The following ZNF438 variants were observed in gnomAD, a reference collection of about 807,000 sequenced individuals.
ZNF438 encodes zinc finger protein 438.
A neutral mutation model predicts 38.0 loss-of-function variants in ZNF438; 25 were observed. That is an observed-to-expected ratio of 0.66 (90% CI 0.48 to 0.92). ZNF438 has a LOEUF of 0.92. ZNF438 is among the 40% of genes least tolerant of loss of function. The pLI is 0.00. For synonymous variants in ZNF438, 372 were observed against 364.1 expected (o/e 1.02, Z -0.25); for missense variants, 1,007 against 999.6 (o/e 1.01, Z -0.10).
intron 1 of ZNF438, among the ~76,000 whole-genome samples, chr10:30,959,826 T>C (rs1029322431): frequency 1.4e-5 from 2 of 147,004 alleles, no homozygotes; most frequent in Non-Finnish European, 3.1e-5. Context: ...ATATGGTAAG[T>C]TGGTTTAACT....
chr10:30,875,104 C>T (rs2038204452), intron 4 of ZNF438, among the ~76,000 whole-genome samples: 2 of 151,990 alleles, frequency 1.3e-5, no homozygotes, highest in Admixed American at 6.6e-5. Context: ...ATCTTTAGTC[C>T]CAGAAAAGAC....
At chr10:30,865,779 G>C (rs2036319871) in intron 4 of ZNF438, among the ~76,000 whole-genome samples, 2 of 152,188 alleles carry the variant, frequency 1.3e-5, no homozygotes, top group Admixed American at 1.3e-4. Context: ...TCTGGCTTTG[G>C]TGTTTCTATT....
chr10:30,959,697 G>C (rs530989666), intron 1 of ZNF438, among the ~76,000 whole-genome samples: 1 of 146,034 alleles, frequency 6.8e-6, no homozygotes, highest in Non-Finnish European at 1.6e-5. Flanking sequence ...GTAATGAGCC[G>C]AGATCGCACC....
intron 4 of ZNF438, among the ~76,000 whole-genome samples, chr10:30,852,496 C>A (rs1191457237): frequency 6.6e-6 from 1 of 152,184 alleles, no homozygotes; most frequent in East Asian, 1.9e-4. Flanking sequence ...GCATGAGCCA[C>A]CGCGCCCGGC....
chr10:30,882,096 C>G (rs1010236276), intron 3 of ZNF438, among the ~76,000 whole-genome samples: 3 of 151,464 alleles, frequency 2.0e-5, no homozygotes, highest in African/African-American at 7.3e-5. Flanking sequence ...TTCTGCTCTT[C>G]AAAAGATATC....
intron 4 of ZNF438, among the ~76,000 whole-genome samples, chr10:30,863,106 A>C (rs888891365): frequency 5.5e-4 from 83 of 152,218 alleles, no homozygotes; most frequent in African/African-American, 1.9e-3. Flanking sequence ...ATGATTTGTA[A>C]GTACAAATGC....
At chr10:30,851,291 G>A (rs372056899) in intron 4 of ZNF438, among the ~76,000 whole-genome samples, 2 of 152,202 alleles carry the variant, frequency 1.3e-5, no homozygotes, top group African/African-American at 4.8e-5. Context: ...ACTACCTTAA[G>A]AGAACAATTA....
chr10:31,003,480 C>A (rs558640337), intron 1 of ZNF438, among the ~76,000 whole-genome samples: 1 of 152,300 alleles, frequency 6.6e-6, no homozygotes, highest in Non-Finnish European at 1.5e-5. Context: ...AACCCAGGAA[C>A]TTGGCTACTG....
At chr10:30,868,216 C>T (rs2036799169) in intron 4 of ZNF438, among the ~76,000 whole-genome samples, 4 of 151,664 alleles carry the variant, frequency 2.6e-5, no homozygotes, top group Admixed American at 2.6e-4. Flanking sequence ...ATTACAGGTG[C>T]CCGCCACCCC....
chr10:30,858,097 A>T (rs889598783), intron 4 of ZNF438, among the ~76,000 whole-genome samples: 1 of 152,214 alleles, frequency 6.6e-6, no homozygotes, highest in Non-Finnish European at 1.5e-5. Context: ...TGCAGAAGGG[A>T]GCAGGCAGAG....
chr10:30,900,857 A>C (rs1168537024), intron 3 of ZNF438, among the ~76,000 whole-genome samples: 2 of 152,378 alleles, frequency 1.3e-5, no homozygotes, highest in East Asian at 3.9e-4. Flanking sequence ...ACTTGATTCA[A>C]ATAGATGCAA....
At chr10:30,985,336 T>C (rs1457051149) in intron 1 of ZNF438, among the ~76,000 whole-genome samples, 1 of 152,196 alleles carries the variant, frequency 6.6e-6, no homozygotes, top group Non-Finnish European at 1.5e-5. Context: ...TACGTATTAT[T>C]CTCTAAAGCA....
chr10:30,847,742 T>C (rs1020960016), intron 5 of ZNF438, among the ~76,000 whole-genome samples: 18 of 152,344 alleles, frequency 1.2e-4, no homozygotes, highest in African/African-American at 4.1e-4. Context: ...CTGCTTGTGA[T>C]GTGCCTGGTC....
intron 1 of ZNF438, among the ~76,000 whole-genome samples, chr10:31,004,540 G>C (rs1243542741): frequency 6.6e-6 from 1 of 152,152 alleles, no homozygotes; most frequent in East Asian, 1.9e-4. Flanking sequence ...AAAGGTTTGA[G>C]AAGAATGAAG....
intron 1 of ZNF438, among the ~76,000 whole-genome samples, chr10:31,021,681 C>T (rs945878271): frequency 2.0e-5 from 3 of 151,920 alleles, no homozygotes; most frequent in Admixed American, 6.6e-5. Flanking sequence ...TTTTCTTATT[C>T]GGGGTCAAAA....
At chr10:30,864,656 T>C (rs972622849) in intron 4 of ZNF438, among the ~76,000 whole-genome samples, 2 of 152,186 alleles carry the variant, frequency 1.3e-5, no homozygotes, top group Non-Finnish European at 2.9e-5. Context: ...CTCAACCATA[T>C]TGACATGGCT....
chr10:30,938,108 C>T (rs905974568), intron 2 of ZNF438, among the ~76,000 whole-genome samples: 2 of 152,134 alleles, frequency 1.3e-5, no homozygotes, highest in Non-Finnish European at 2.9e-5. Context: ...ATGGATGACT[C>T]TTATCTACTG....
At chr10:30,871,680 G>A (rs960312205) in intron 4 of ZNF438, among the ~76,000 whole-genome samples, 1 of 152,168 alleles carries the variant, frequency 6.6e-6, no homozygotes, top group Non-Finnish European at 1.5e-5. Context: ...GCAAGACATA[G>A]AATACATTTT....
chr10:30,988,506 AAGAG>A (rs1189236636), intron 1 of ZNF438, among the ~76,000 whole-genome samples: 1 of 152,078 alleles, frequency 6.6e-6, no homozygotes, highest in African/African-American at 2.4e-5. Context: ...TCTCCAGAGA[AAGAG>A]AGAGATAACA....
Sources: gnomAD v4.1 joint callset for allele counts (sites outside exome capture counted in the v4.1 genomes callset) on GRCh38, gnomAD v4.1.1 for gene constraint, MANE v1.5 for transcripts, NCBI Gene and HGNC (gene_info 2026-07-23, HGNC 2026-07-21) for gene names.